DLG2: variants seen among roughly 807,000 people sequenced by gnomAD.
The protein encoded by DLG2 is discs large MAGUK scaffold protein 2, also known as disks large homolog 2.
Under a neutral mutation model 132.5 loss-of-function variants are expected in DLG2, and 45 were observed. The observed-to-expected ratio is 0.34, with a 90% CI of 0.27 to 0.44. The LOEUF is 0.44. Among genes scored for constraint, DLG2 ranks in the 20% least tolerant of loss-of-function variants. The pLI, the probability that DLG2 is intolerant of heterozygous loss-of-function variation, is 1.00. For missense variants in DLG2, 1,045 were observed against 1,196.9 expected (o/e 0.87, Z 1.87); for synonymous variants, 424 against 419.6 (o/e 1.01, Z -0.13).
At chr11:84,020,751 A>G (rs74731217) in intron 11 of DLG2, among the ~76,000 whole-genome samples, 2,993 of 152,294 alleles carry the variant, frequency 0.02, 101 homozygotes, top group African/African-American at 0.067. Flanking sequence ...CCCCTTCACA[A>G]TAATGTCTTC....
At chr11:83,759,755 T>G (rs2093818511) in intron 18 of DLG2, among the ~76,000 whole-genome samples, 1 of 152,104 alleles carries the variant, frequency 6.6e-6, no homozygotes, top group Non-Finnish European at 1.5e-5. Context: ...GCAGAAAAAT[T>G]TATACTAGTA....
At chr11:84,041,831 G>A (rs2096090582) in intron 11 of DLG2, among the ~76,000 whole-genome samples, 1 of 151,898 alleles carries the variant, frequency 6.6e-6, no homozygotes, top group African/African-American at 2.4e-5. Context: ...TGTTATGGGA[G>A]GAAACTGGTG....
At chr11:84,983,293 C>T (rs1197225559) in intron 6 of DLG2, among the ~76,000 whole-genome samples, 1 of 152,138 alleles carries the variant, frequency 6.6e-6, no homozygotes, top group Admixed American at 6.6e-5. Flanking sequence ...CTGAGAGACC[C>T]ACAGACGGTT....
intron 19 of DLG2, among the ~76,000 whole-genome samples, chr11:83,570,970 A>C (rs905251566): frequency 1.3e-5 from 2 of 151,858 alleles, no homozygotes; most frequent in Admixed American, 1.3e-4. Context: ...ACAACTTCCA[A>C]CTCCTGGGTT....
intron 16 of DLG2, among the ~76,000 whole-genome samples, chr11:83,851,068 T>C (rs928607110): frequency 2.6e-5 from 4 of 151,840 alleles, no homozygotes; most frequent in African/African-American, 4.8e-5. Context: ...TCCCAGCTAC[T>C]TGGGAGGCTG....
rs573172182 is a variant in DLG2 at position 85,582,556 on chromosome 11, G to A, written c.40+16101C>T. Among the ~76,000 whole-genome samples, 6 of 150,622 alleles carry A rather than the reference G, an allele frequency of 4.0e-5. No homozygotes were observed. The South Asian group carries it at 1.1e-3, about 27-fold the overall frequency. Reference sequence around the variant, plus strand: ...ATTAGTGTCCAGGCTGGGCACGGTGGCTTATTCCTATAATCCCAGTATTTT... The same window carrying A: ...ATTAGTGTCCAGGCTGGGCACGGTGACTTATTCCTATAATCCCAGTATTTT... On this transcript the variant is annotated intron_variant, in intron 3 of 27. Coordinates refer to ENST00000376104, the MANE Select transcript of DLG2 (RefSeq NM_001142699.3).
At chr11:84,524,216 G>A (rs2099313284) in intron 7 of DLG2, among the ~76,000 whole-genome samples, 1 of 152,206 alleles carries the variant, frequency 6.6e-6, no homozygotes, top group East Asian at 1.9e-4. Flanking sequence ...CTGCAGGTTA[G>A]ACAAGCTTGC....
chr11:83,596,403 T>C (rs1050288504), intron 19 of DLG2, among the ~76,000 whole-genome samples: 4 of 152,196 alleles, frequency 2.6e-5, no homozygotes, highest in African/African-American at 9.7e-5. Flanking sequence ...GCTATCACTA[T>C]TGAATATAAT....
At chr11:85,299,647 C>G (rs1164084949) in intron 3 of DLG2, among the ~76,000 whole-genome samples, 1 of 152,198 alleles carries the variant, frequency 6.6e-6, no homozygotes, top group Non-Finnish European at 1.5e-5. Context: ...CTTTATCTCA[C>G]ATAAGCAGTG....
chr11:83,567,974 T>C (rs572791313), intron 19 of DLG2, among the ~76,000 whole-genome samples: 4 of 152,284 alleles, frequency 2.6e-5, no homozygotes, highest in East Asian at 1.9e-4. Flanking sequence ...TTTCTCTCCA[T>C]ATGCATATAT....
chr11:84,419,136 G>C (rs1311722006), intron 7 of DLG2, among the ~76,000 whole-genome samples: 2 of 151,674 alleles, frequency 1.3e-5, no homozygotes, highest in African/African-American at 4.9e-5. Context: ...AGGCGAGAGG[G>C]AGAAAAAAGA....
chr11:84,438,449 C>A (rs925039406), intron 7 of DLG2, among the ~76,000 whole-genome samples: 8 of 151,312 alleles, frequency 5.3e-5, no homozygotes, highest in African/African-American at 2.0e-4. Context: ...CTAAAAAGAG[C>A]AAACTACTCT....
At chr11:85,415,412 C>G (rs548953843) in intron 3 of DLG2, among the ~76,000 whole-genome samples, 1 of 152,234 alleles carries the variant, frequency 6.6e-6, no homozygotes, top group Non-Finnish European at 1.5e-5. Flanking sequence ...ATTTTTAGTT[C>G]TAGATCCTTG....
At chr11:84,055,502 C>T (rs927486814) in intron 11 of DLG2, among the ~76,000 whole-genome samples, 3 of 152,038 alleles carry the variant, frequency 2.0e-5, no homozygotes, top group African/African-American at 7.2e-5. Flanking sequence ...CTGGCCCTTG[C>T]TCATCTCAGC....
chr11:83,880,130 G>A (rs930679541), intron 15 of DLG2, among the ~76,000 whole-genome samples: 30 of 152,108 alleles, frequency 2.0e-4, no homozygotes, highest in Admixed American at 1.4e-3. Context: ...GGGCAATGAG[G>A]GACAATGAAT....
At chr11:83,932,555 C>T (rs12226196) in intron 14 of DLG2, among the ~76,000 whole-genome samples, 37,218 of 151,982 alleles carry the variant, frequency 0.24, 8,398 homozygotes, top group African/African-American at 0.6. Flanking sequence ...TTTATTACAG[C>T]GCTAGGATTC....
chr11:85,396,133 T>C (rs1052376544), intron 3 of DLG2, among the ~76,000 whole-genome samples: 1 of 152,190 alleles, frequency 6.6e-6, no homozygotes, highest in Admixed American at 6.5e-5. Context: ...TCAAACAGTG[T>C]CTGGAGTGGA....
At chr11:83,826,891 G>C (rs995665814) in intron 17 of DLG2, among the ~76,000 whole-genome samples, 1 of 152,134 alleles carries the variant, frequency 6.6e-6, no homozygotes, top group Non-Finnish European at 1.5e-5. Flanking sequence ...GGGACAAGGT[G>C]AAATAATAGC....
At chr11:84,544,213 G>A (rs1392237524) in intron 6 of DLG2, among the ~76,000 whole-genome samples, 1 of 152,270 alleles carries the variant, frequency 6.6e-6, no homozygotes, top group Admixed American at 6.5e-5. Context: ...ACACAGGAGA[G>A]GTAACTGTAA....
Sources: allele counts gnomAD v4.1 joint callset (sites outside exome capture counted in the v4.1 genomes callset), GRCh38; gene constraint gnomAD v4.1.1; transcripts MANE v1.5; gene names NCBI Gene and HGNC (gene_info 2026-07-23, HGNC 2026-07-21).